LMTK3: variants seen among roughly 807,000 people sequenced by gnomAD.
The protein encoded by LMTK3 is serine/threonine-protein kinase LMTK3.
In LMTK3, 27 loss-of-function variants were observed where a neutral mutation model predicts 116.7. The ratio of observed to expected loss-of-function variants is 0.23; its 90% CI spans 0.17 to 0.32. The LOEUF (loss-of-function observed/expected upper bound fraction) is 0.32. LMTK3 is among the 10% of genes least tolerant of loss of function. The pLI is 1.00. For missense variants in LMTK3, 1,764 were observed against 2,068.5 expected, an observed-to-expected ratio of 0.85 and a Z score of 2.86; for synonymous variants, 965 against 971.0, an observed-to-expected ratio of 0.99 and a Z score of 0.11.
At chr19:48,485,987 C>T (rs890401372) in intron 14 of LMTK3, among the ~76,000 whole-genome samples, 198 bp from the exon 15 acceptor site, 7 of 151,896 alleles carry the variant, frequency 4.6e-5, no homozygotes, top group Non-Finnish European at 8.8e-5. Flanking sequence ...CCAGTGCTCC[C>T]AGCACGGTCC....
intron 5 of LMTK3, among the ~76,000 whole-genome samples, chr19:48,506,273 G>A (rs981936521): frequency 6.8e-6 from 1 of 148,112 alleles, no homozygotes; most frequent in Non-Finnish European, 1.5e-5. Context: ...AAAAAAAAAA[G>A]TATTTATTTA....
Position 48,507,186 on chromosome 19 carries a change from C to A in LMTK3, c.557+1665G>T, listed in dbSNP as rs184284770. The stretch of plus-strand genomic sequence containing the variant: ...TGGTGTAGAAGGAAGCCAGGATTCA[C>A]TGCACACCCACGAATCTGGCCAAGG... On this transcript the variant is annotated intron_variant, in intron 5 of 14. Transcript: ENST00000600059. Among the ~76,000 whole-genome samples the A allele has an allele frequency of 1.6e-4, 25 of 152,366 alleles. No homozygotes were observed. In the East Asian group the frequency reaches 4.6e-3, roughly 28 times the overall value.
At chr19:48,492,796 C>G (rs1021365457) in intron 12 of LMTK3, among the ~76,000 whole-genome samples, 2 of 152,240 alleles carry the variant, frequency 1.3e-5, no homozygotes, top group African/African-American at 4.8e-5. Flanking sequence ...CCAGTACCCC[C>G]TCTTTCCTTC....
At chr19:48,486,417 T>A (rs1460420966) in intron 14 of LMTK3, among the ~76,000 whole-genome samples, 1 of 151,844 alleles carries the variant, frequency 6.6e-6, no homozygotes, top group African/African-American at 2.4e-5. Context: ...CTCCACAGAG[T>A]CCTTCCCCAA....
chr19:48,506,529 G>A (rs1601056787), intron 5 of LMTK3, among the ~76,000 whole-genome samples: 1 of 152,348 alleles, frequency 6.6e-6, no homozygotes, highest in East Asian at 1.9e-4. Context: ...GCGGGAGGCA[G>A]AGCCACTTGT....
chr19:48,510,375 C>T (rs1186299239), intron 2 of LMTK3, 84 bp downstream of exon 2: 1 of 1,510,534 alleles, frequency 6.6e-7, no homozygotes, highest in Non-Finnish European at 8.9e-7. Flanking sequence ...TTACTGCCCC[C>T]TTCTCCCCAC....
Position 48,509,512 on chromosome 19 carries a change from G to C in LMTK3, c.363C>G (p.Asp121Glu). 1 of 1,551,820 alleles carries C rather than the reference G, an allele frequency of 6.4e-7. No homozygotes were observed. The highest frequency in any genetic ancestry group is 1.2e-5 in the South Asian group (1 of 83,806). ...PMPAPQPSHSDMTTPLGLSRQ... is the reference protein window; with the variant it reads ...PMPAPQPSHSEMTTPLGLSRQ... ...GGCTAAGGCCCAGGGGGGTGGTCAT[G>C]TCTGGGGAGGGCAAGAGGGGAAAGC... Residue 121 changes from aspartate (D) to glutamate (E), a missense_variant and splice_region_variant, in exon 4 of 15, where the codon GAC becomes GAG. By Grantham distance (45) the Asp-to-Glu change is conservative (BLOSUM62 2). Around this residue, in one of 7 missense-constraint regions of LMTK3, gnomAD observed 271 missense variants for 478.2 expected, o/e 0.57. Transcript: ENST00000600059.
At chr19:48,506,321 C>G (rs1177909661) in intron 5 of LMTK3, among the ~76,000 whole-genome samples, 1 of 151,552 alleles carries the variant, frequency 6.6e-6, no homozygotes, top group African/African-American at 2.4e-5. Context: ...GTGAGCTCTC[C>G]TAGGATAAGA....
At position 48,501,523 on chromosome 19, in the gene LMTK3, C is replaced by T. The variant is rs1972466709; in HGVS notation, c.834G>A (p.Leu278=). The stretch of plus-strand genomic sequence containing the variant: ...GCCCGTAGTCTCCGATGCGCACGGT[C>T]AGGTCAGAGGTCAGCAGGCAGTTGC... The part of the protein sequence containing the change: ...ALRNCLLTSD[L]TVRIGDYGLA... The change falls in exon 8 of 15, where the codon CTG becomes CTA. Residue 278 remains leucine, a synonymous_variant. Coordinates refer to ENST00000600059, the MANE Select transcript of LMTK3 (RefSeq NM_001388485.1). 11 of 1,612,210 alleles carry T rather than the reference C, an allele frequency of 6.8e-6. No homozygotes were observed. The highest frequency in any genetic ancestry group is 1.3e-5 in the African/African-American group (1 of 74,990).
At position 48,498,137 on chromosome 19, in the gene LMTK3, C is replaced by T. The variant is rs1329322933; in HGVS notation, c.2932G>A (p.Glu978Lys). 1.9e-6 allele frequency: 3 copies of T among 1,613,690 alleles called. No individual in the cohort carries two copies. In the South Asian group the frequency reaches 3.3e-5, roughly 18 times the overall value. ...RREEKALENG[E>K]LRSPEAGEKV... Reference sequence around the variant, plus strand: ...TCCCCGGCCTCTGGGGACCTCAGCTCCCCATTCTCCAGCGCTTTCTCCTCC... The same window carrying T: ...TCCCCGGCCTCTGGGGACCTCAGCTTCCCATTCTCCAGCGCTTTCTCCTCC... The change falls in exon 11 of 15, where the codon GAG (glutamate) becomes AAG (lysine). Residue 978 changes from glutamate to lysine, a missense_variant. Physicochemically the swap from Glu to Lys is moderately conservative, Grantham distance 56. Transcript: ENST00000600059.
chr19:48,494,220 C>A lies in LMTK3; in HGVS notation c.3677-111G>T. The A allele has an allele frequency of 1.7e-6, 1 of 595,406 alleles. No individual in the cohort carries two copies. 36.9% of individuals were successfully genotyped at this position (595,406 alleles called of 1,614,324 possible). A position where few individuals can be genotyped will look rare whatever the true frequency, so the allele number is the denominator to read the frequency against. The stretch of plus-strand genomic sequence containing the variant: ...CCCCGCACAATCTGGGCCTCAGCAC[C>A]CACTTTGTGAACGGAAGGGCTGCAC... On this transcript the variant is annotated intron_variant, in intron 11 of 14. Transcript: ENST00000600059. The surrounding 1 kb of genome is among the most constrained non-coding windows in gnomAD (Gnocchi z 4.0).
At chr19:48,492,965 C>T (rs998449948) in intron 12 of LMTK3, among the ~76,000 whole-genome samples, 17 of 151,280 alleles carry the variant, frequency 1.1e-4, no homozygotes, top group African/African-American at 2.2e-4. Context: ...AAAGCCTCCT[C>T]CCATCTTCCT....
Position 48,499,039 on chromosome 19 carries a change from GC to G in LMTK3, c.2029del (p.Ala677ProfsTer13). 1 of 1,493,700 alleles carries G rather than the reference GC, an allele frequency of 6.7e-7. No individual in the cohort carries two copies. The highest frequency in any genetic ancestry group is 8.9e-7 in the Non-Finnish European group (1 of 1,123,034). The allele number at this position is 1,493,700 out of a possible 1,614,324, so 92.5% of individuals were successfully genotyped here. On this transcript the variant is annotated frameshift_variant, in exon 11 of 15. Coordinates refer to ENST00000600059, the MANE Select transcript of LMTK3 (RefSeq NM_001388485.1). LOFTEE classifies it high-confidence loss of function. The part of the protein sequence containing the change: ...LPCPLCSREG[A>X]CSCLPLERGD... Reference sequence around the variant, plus strand: ...CCGCTCCAGTGGCAGGCAGGAGCAGGCCCCCTCGCGGCTGCACAGGGGACAG... The same window carrying G: ...CCGCTCCAGTGGCAGGCAGGAGCAGGCCCCTCGCGGCTGCACAGGGGACAG...
rs1368232945 is a variant in LMTK3 at position 48,498,521 on chromosome 19, T to C, written c.2548A>G (p.Lys850Glu). 6.3e-7 allele frequency: 1 copy of C among 1,578,608 alleles called. No homozygotes were observed. The highest frequency in any genetic ancestry group is 2.3e-5 in the East Asian group (1 of 42,792). Residue 850 changes from lysine (K) to glutamate (E), a missense_variant, in exon 11 of 15, where the codon AAG becomes GAG. Coordinates refer to ENST00000600059, the MANE Select transcript of LMTK3 (RefSeq NM_001388485.1). Reference protein sequence around the residue: ...GPLPLPGPREKPTFVVQVSTE... With the variant: ...GPLPLPGPREEPTFVVQVSTE... ...CTCACTTGAACCACGAAGGTCGGCT[T>C]CTCCCGGGGCCCCGGGAGTGGGAGC... is the stretch of plus-strand genomic sequence containing the variant.
chr19:48,492,595 C>T (rs888622942), intron 12 of LMTK3, among the ~76,000 whole-genome samples: 7 of 152,152 alleles, frequency 4.6e-5, no homozygotes, highest in African/African-American at 1.7e-4. Context: ...CCTGCTCCAT[C>T]TCTGAAGCCC....
chr19:48,502,472 C>A lies in LMTK3; in HGVS notation c.755G>T (p.Arg252Leu). Residue 252 changes from arginine (R) to leucine (L), a missense_variant, in exon 7 of 15, where the codon CGC becomes CTC. Physicochemically the swap from Arg to Leu is moderately radical, Grantham distance 102 (BLOSUM62 -2). Transcript: ENST00000600059. ...TLQRMGLEIA[R>L]GLAHLHSHNY... is the part of the protein sequence containing the mutation. Reference sequence around the variant, plus strand: ...GTGGGAATGCAGGTGCGCCAGCCCGCGGGCGATCTCCAGGCCCATCCTCTG... The same window carrying A: ...GTGGGAATGCAGGTGCGCCAGCCCGAGGGCGATCTCCAGGCCCATCCTCTG... 6.2e-7 allele frequency: 1 copy of A among 1,611,164 alleles called. No individual in the cohort carries two copies. The highest frequency in any genetic ancestry group is 2.2e-5 in the East Asian group (1 of 44,568).
chr19:48,495,768 C>T (rs1972312727), intron 11 of LMTK3, among the ~76,000 whole-genome samples: 1 of 152,230 alleles, frequency 6.6e-6, no homozygotes. Flanking sequence ...CTTTCATACC[C>T]GTATTTAAAG....
intron 4 of LMTK3, 104 bp from the exon 5 acceptor site, chr19:48,509,073 C>A: frequency 1.4e-6 from 1 of 725,898 alleles, no homozygotes; most frequent in East Asian, 2.6e-5. Context: ...GGCTCCTTCC[C>A]AGCTTCTCCC....
At chr19:48,501,172 C>A in intron 9 of LMTK3, 27 bp from the exon 10 acceptor site, 1 of 1,607,636 alleles carries the variant, frequency 6.2e-7, no homozygotes, top group South Asian at 1.1e-5. Flanking sequence ...GAGGTCAGAG[C>A]CCAGCCCTGA....
Sources: gnomAD v4.1 joint callset for allele counts (sites outside exome capture counted in the v4.1 genomes callset) on GRCh38, gnomAD v4.1.1 for gene constraint, gnomAD v4.1.1 regional missense constraint, Gnocchi (gnomAD v3.1) non-coding constraint, MANE v1.5 for transcripts, NCBI Gene and HGNC (gene_info 2026-07-23, HGNC 2026-07-21) for gene names.